Variants in ZNF670 observed in about 807,000 individuals in gnomAD.
The protein encoded by ZNF670 is zinc finger protein 670.
In ZNF670, 7 loss-of-function variants were observed where a neutral mutation model predicts 10.9. That is an observed-to-expected ratio of 0.64 (90% CI 0.36 to 1.20). ZNF670 has a LOEUF of 1.20. Ranked by LOEUF, ZNF670 falls within the 50% of genes most tolerant of loss-of-function variation. The pLI is 0.02. For synonymous variants in ZNF670, 136 were observed against 152.7 expected (o/e 0.89, Z 0.81); for missense variants, 446 against 458.6 (o/e 0.97, Z 0.25).
chr1:247,044,561 C>T (rs549192987), intron 1 of ZNF670, among the ~76,000 whole-genome samples: 1 of 152,286 alleles, frequency 6.6e-6, no homozygotes. Flanking sequence ...AATCCAAATG[C>T]CCATCAATAG....
chr1:247,067,435 C>CAAAA (rs61363241), intron 1 of ZNF670, among the ~76,000 whole-genome samples: 2 of 77,246 alleles, frequency 2.6e-5, no homozygotes, highest in African/African-American at 4.4e-5. Flanking sequence ...GATCCCGTCT[C>CAAAA]AAAAAAAAAA....
intron 1 of ZNF670, among the ~76,000 whole-genome samples, chr1:247,050,438 T>G (rs1481894104): frequency 6.6e-6 from 1 of 152,014 alleles, no homozygotes; most frequent in Admixed American, 6.5e-5. Flanking sequence ...CAGGTGAGTC[T>G]CTTGAAGACA....
intron 1 of ZNF670, among the ~76,000 whole-genome samples, chr1:247,047,111 AG>A (rs71566686): frequency 0.15 from 22,468 of 152,206 alleles, 1,856 homozygotes; most frequent in South Asian, 0.24. Context: ...TGCTTTCACA[AG>A]GTGGCATTGT....
At chr1:247,077,825 C>CA (rs1671286897) in intron 1 of ZNF670, among the ~76,000 whole-genome samples, 1 of 152,188 alleles carries the variant, frequency 6.6e-6, no homozygotes, top group Non-Finnish European at 1.5e-5. Context: ...TAATTAAACA[C>CA]AGGCACTAGG....
chr1:247,057,480 C>G (rs1352416643), intron 1 of ZNF670, among the ~76,000 whole-genome samples: 1 of 152,130 alleles, frequency 6.6e-6, no homozygotes, highest in Non-Finnish European at 1.5e-5. Flanking sequence ...GGCAATCCCA[C>G]TCCTAGGTAT....
intron 1 of ZNF670, among the ~76,000 whole-genome samples, chr1:247,054,429 A>C (rs1192656093): frequency 1.3e-5 from 2 of 152,244 alleles, no homozygotes; most frequent in African/African-American, 4.8e-5. Context: ...AGGGAAGAGT[A>C]AAGAGGACTT....
chr1:247,039,938 G>A (rs931071528), intron 1 of ZNF670, among the ~76,000 whole-genome samples: 2 of 152,198 alleles, frequency 1.3e-5, no homozygotes, highest in Admixed American at 6.5e-5. Flanking sequence ...TGCTCACAAA[G>A]TCTGACCTTT....
At chr1:247,057,083 AT>A (rs1382359084) in intron 1 of ZNF670, among the ~76,000 whole-genome samples, 2 of 152,236 alleles carry the variant, frequency 1.3e-5, no homozygotes, top group Non-Finnish European at 2.9e-5. Context: ...GCAAGAAAAT[AT>A]TTGCAAACTA....
At chr1:247,066,565 A>C (rs1010654930) in intron 1 of ZNF670, among the ~76,000 whole-genome samples, 2 of 152,146 alleles carry the variant, frequency 1.3e-5, no homozygotes, top group Non-Finnish European at 2.9e-5. Context: ...GAAAATATAA[A>C]CCACAAATAA....
chr1:247,039,106 T>C (rs1232088207), intron 2 of ZNF670, among the ~76,000 whole-genome samples: 2 of 146,128 alleles, frequency 1.4e-5, no homozygotes, highest in Admixed American at 7.0e-5. Flanking sequence ...TTGACCAGGC[T>C]GGAGTGCAGT....
rs1327586436 is a variant in ZNF670 at position 247,034,836 on chromosome 1, T to A, written c.*2613A>T. Among the ~76,000 whole-genome samples the A allele has an allele frequency of 6.6e-6, 1 of 152,180 alleles. No homozygotes were observed. Among genetic ancestry groups the A allele is most frequent in the Non-Finnish European group, 1.5e-5 (1 of 68,034 alleles). ...AGATGCAGTTACCACAGAGCAGTAG[T>A]CTGACTTTTGATAATCAGGAATAAA... is the stretch of plus-strand genomic sequence containing the variant. On this transcript the variant is annotated 3_prime_UTR_variant, in exon 4 of 4. Transcript: ENST00000366503.
Position 247,047,563 on chromosome 1 carries a change from C to T in ZNF670, c.4-8026G>A, listed in dbSNP as rs1164732545. Among the ~76,000 whole-genome samples, 5 of 151,468 alleles carry T rather than the reference C, an allele frequency of 3.3e-5. No individual in the cohort carries two copies. In the East Asian group the frequency reaches 7.7e-4, roughly 23 times the overall value. ...TCCCAAACCTCAATTCTTAACTTGGCTTTGTGTGGGGATTCCAATCCCACA... is the reference window on the plus strand; with the variant it reads ...TCCCAAACCTCAATTCTTAACTTGGTTTTGTGTGGGGATTCCAATCCCACA... On this transcript the variant is annotated intron_variant, in intron 1 of 3. Transcript: ENST00000366503.
intron 1 of ZNF670, among the ~76,000 whole-genome samples, chr1:247,074,606 T>C (rs1190409522): frequency 2.6e-5 from 4 of 152,140 alleles, no homozygotes; most frequent in Admixed American, 6.6e-5. Flanking sequence ...GAACACAGAT[T>C]TTCCATGGAT....
intron 1 of ZNF670, among the ~76,000 whole-genome samples, chr1:247,044,531 A>G (rs1670393625): frequency 6.6e-6 from 1 of 152,254 alleles, no homozygotes; most frequent in African/African-American, 2.4e-5. Flanking sequence ...CACTATTCAC[A>G]ATATCAAAGA....
At chr1:247,072,318 GT>G (rs542453281) in intron 1 of ZNF670, among the ~76,000 whole-genome samples, 1,737 of 138,252 alleles carry the variant, frequency 0.013, 24 homozygotes, top group African/African-American at 0.039. Flanking sequence ...GCCTGGTTTT[GT>G]TTTTTTTTTT....
chr1:247,050,502 G>C (rs1227808277), intron 1 of ZNF670, among the ~76,000 whole-genome samples: 1 of 146,936 alleles, frequency 6.8e-6, no homozygotes, highest in Non-Finnish European at 1.5e-5. Flanking sequence ...TTGAGACAGA[G>C]TCTCACTCTG....
At chr1:247,049,861 A>G (rs1429056382) in intron 1 of ZNF670, among the ~76,000 whole-genome samples, 2 of 152,194 alleles carry the variant, frequency 1.3e-5, no homozygotes, top group Non-Finnish European at 2.9e-5. Flanking sequence ...TTGATTTCCA[A>G]TTATACTCCA....
chr1:247,078,578 T>C lies in ZNF670; in HGVS notation c.3+16A>G. 4 of 1,613,644 alleles carry C rather than the reference T, an allele frequency of 2.5e-6. No individual in the cohort carries two copies. The highest frequency in any genetic ancestry group is 3.4e-6 in the Non-Finnish European group (4 of 1,179,804). On this transcript the variant is annotated intron_variant, in intron 1 of 3. Transcript: ENST00000366503. ...TCCCTTTTCCCCTTCCCGAGACACC[T>C]GGCCGGCACACTCACCATTTCCCAG...
Position 247,037,432 on chromosome 1 carries a change from TTTG to T in ZNF670, c.*14_*16del, listed in dbSNP as rs777569435. 7.9e-5 allele frequency: 125 copies of T among 1,574,844 alleles called. No homozygotes were observed. The Middle Eastern group carries it at 8.8e-4, about 11-fold the overall frequency. On this transcript the variant is annotated 3_prime_UTR_variant, in exon 4 of 4. Coordinates refer to ENST00000366503, the MANE Select transcript of ZNF670 (RefSeq NM_033213.5). ...ACACTTCTTACATTGACAGAGGTGT[TTTG>T]TTGTTGTTGTTTTTTACCACATATA...
Sources: gnomAD v4.1 joint callset for allele counts (sites outside exome capture counted in the v4.1 genomes callset) on GRCh38, gnomAD v4.1.1 for gene constraint, MANE v1.5 for transcripts, NCBI Gene and HGNC (gene_info 2026-07-23, HGNC 2026-07-21) for gene names.